The following NBAS variants were observed in gnomAD, a reference collection of about 807,000 sequenced individuals.
NBAS encodes NAG/BC035112 fusion.
In NBAS, 219 loss-of-function variants were observed where a neutral mutation model predicts 302.5. The ratio of observed to expected loss-of-function variants is 0.72; its 90% CI spans 0.65 to 0.81. NBAS has a LOEUF of 0.81. NBAS is among the 30% of genes least tolerant of loss of function. The probability of loss-of-function intolerance (pLI) is 0.00; values close to 1 mark genes in which losing one functional copy is unlikely to be tolerated. For synonymous variants in NBAS, 1,118 were observed against 1,021.6 expected, an observed-to-expected ratio of 1.09 and a Z score of -1.80; for missense variants, 2,932 against 2,841.6, an observed-to-expected ratio of 1.03 and a Z score of -0.72.
intron 35 of NBAS, among the ~76,000 whole-genome samples, chr2:15,351,430 A>C (rs1673350553): frequency 6.6e-6 from 1 of 152,122 alleles, no homozygotes; most frequent in Non-Finnish European, 1.5e-5. Flanking sequence ...TAATCCACGC[A>C]CTTTGGAAGG....
intron 48 of NBAS, among the ~76,000 whole-genome samples, chr2:15,198,277 G>C (rs1665710153): frequency 6.6e-6 from 1 of 152,184 alleles, no homozygotes; most frequent in Admixed American, 6.5e-5. Context: ...TAATACACAA[G>C]TACCTGACTC....
chr2:15,536,612 T>A (rs1663532704), intron 7 of NBAS, 61 bp from the exon 8 acceptor site: 1 of 1,410,618 alleles, frequency 7.1e-7, no homozygotes, highest in Non-Finnish European at 9.8e-7. Context: ...AGTTAACACA[T>A]GCATAATTAG....
chr2:15,380,152 T>C (rs1674962454), intron 29 of NBAS, among the ~76,000 whole-genome samples: 1 of 152,248 alleles, frequency 6.6e-6, no homozygotes, highest in South Asian at 2.1e-4. Flanking sequence ...TGATATTCAT[T>C]AAAAACAGGA....
At chr2:14,997,359 C>G in the NBAS span, among the ~76,000 whole-genome samples, 1 of 151,818 alleles carries the variant, frequency 6.6e-6, no homozygotes, top group East Asian at 1.9e-4. Flanking sequence ...ACGTGGCTTC[C>G]CTTTCTAGTC....
At chr2:15,463,718 A>T (rs1679603198) in intron 19 of NBAS, among the ~76,000 whole-genome samples, 1 of 149,926 alleles carries the variant, frequency 6.7e-6, no homozygotes, top group Non-Finnish European at 1.5e-5. Flanking sequence ...CCACAAAACC[A>T]AGCTGACAGT....
At chr2:15,463,421 CTG>C (rs1347602665) in intron 19 of NBAS, among the ~76,000 whole-genome samples, 3 of 152,166 alleles carry the variant, frequency 2.0e-5, no homozygotes, top group African/African-American at 7.2e-5. Flanking sequence ...AACCCCGACT[CTG>C]TGATCACCGC....
In NBAS at chr2:15,292,558, TC is replaced by T. The variant is rs765595229; in HGVS notation, c.5005del (p.Glu1669LysfsTer10). ...TTACTCTGCCAGACCAAGGATAGTTTCCCTTTTATACTGGTCATCTGCAGTA... is the reference window on the plus strand; with the variant it reads ...TTACTCTGCCAGACCAAGGATAGTTTCCTTTTATACTGGTCATCTGCAGTA... ...RFTADDQYKR[E>X]TILGLAETLE... On this transcript the variant is annotated frameshift_variant, in exon 41 of 52. Coordinates refer to ENST00000281513, the MANE Select transcript of NBAS (RefSeq NM_015909.4). LOFTEE classifies it high-confidence loss of function. 2 of 1,614,204 alleles carry T rather than the reference TC, an allele frequency of 1.2e-6. No individual in the cohort carries two copies. Among genetic ancestry groups the T allele is most frequent in the Non-Finnish European group, 1.7e-6 (2 of 1,180,046 alleles).
At chr2:15,161,683 C>T in the NBAS span, among the ~76,000 whole-genome samples, 15 of 152,214 alleles carry the variant, frequency 9.9e-5, no homozygotes, top group Non-Finnish European at 2.1e-4. Context: ...GATGGGGGAA[C>T]TTGCAGTGGC....
At chr2:15,008,240 T>C in the NBAS span, among the ~76,000 whole-genome samples, 1 of 152,228 alleles carries the variant, frequency 6.6e-6, no homozygotes, top group African/African-American at 2.4e-5. Context: ...ATCTACTCCC[T>C]GGGTTCCTTA....
intron 28 of NBAS, among the ~76,000 whole-genome samples, chr2:15,389,795 G>C (rs1053387146): frequency 6.6e-6 from 1 of 152,186 alleles, no homozygotes; most frequent in African/African-American, 2.4e-5. Context: ...GTCTCACTCT[G>C]TCACCCAGAC....
chr2:15,257,163 A>G (rs980840931), intron 44 of NBAS, among the ~76,000 whole-genome samples: 3 of 152,194 alleles, frequency 2.0e-5, no homozygotes, highest in Non-Finnish European at 2.9e-5. Flanking sequence ...TCAGCTGTGA[A>G]TCCATTTGGT....
chr2:15,161,161 C>T, the NBAS span, among the ~76,000 whole-genome samples: 10 of 152,122 alleles, frequency 6.6e-5, no homozygotes, highest in Non-Finnish European at 7.4e-5. Flanking sequence ...GGACAACTTA[C>T]GCAAGTTTAT....
chr2:15,485,602 T>C (rs1030778013), intron 12 of NBAS, among the ~76,000 whole-genome samples: 6 of 152,198 alleles, frequency 3.9e-5, no homozygotes, highest in Non-Finnish European at 8.8e-5. Flanking sequence ...AAATAATAAA[T>C]GTAGTTAGGG....
At chr2:15,368,268 C>T (rs952684144) in intron 31 of NBAS, among the ~76,000 whole-genome samples, 12 of 137,922 alleles carry the variant, frequency 8.7e-5, no homozygotes, top group African/African-American at 3.3e-4. Flanking sequence ...GGCGTAATCT[C>T]GGCTTACTGC....
chr2:15,469,600 A>G (rs1332803102), intron 16 of NBAS, among the ~76,000 whole-genome samples: 2 of 152,134 alleles, frequency 1.3e-5, no homozygotes, highest in African/African-American at 2.4e-5. Flanking sequence ...ATGTCCATCA[A>G]TGATAGACTG....
the NBAS span, among the ~76,000 whole-genome samples, chr2:14,949,950 G>A: frequency 4.6e-5 from 7 of 152,156 alleles, no homozygotes; most frequent in Non-Finnish European, 8.8e-5. Flanking sequence ...CATATGGTTT[G>A]ATGGAAGAAG....
At chr2:15,550,327 T>C (rs1301396172) in intron 6 of NBAS, among the ~76,000 whole-genome samples, 1 of 152,220 alleles carries the variant, frequency 6.6e-6, no homozygotes, top group Non-Finnish European at 1.5e-5. Flanking sequence ...AAAATATTTA[T>C]ACTGCTTTAT....
the NBAS span, among the ~76,000 whole-genome samples, chr2:14,893,637 CG>C: frequency 6.6e-6 from 1 of 152,160 alleles, no homozygotes; most frequent in Admixed American, 6.5e-5. Flanking sequence ...TGTATCACCT[CG>C]GTTCTCTTGC....
chr2:15,556,219 A>G (rs909918515), intron 3 of NBAS, among the ~76,000 whole-genome samples: 16 of 152,232 alleles, frequency 1.1e-4, no homozygotes, highest in African/African-American at 3.9e-4. Flanking sequence ...ATCCTCAACG[A>G]AGAAGCAATC....
Sources: gnomAD v4.1 joint callset for allele counts (sites outside exome capture counted in the v4.1 genomes callset) on GRCh38, gnomAD v4.1.1 for gene constraint, MANE v1.5 for transcripts, NCBI Gene and HGNC (gene_info 2026-07-23, HGNC 2026-07-21) for gene names.